Variants in EEA1 observed in about 807,000 individuals in gnomAD.
EEA1 encodes early endosome antigen 1, 162kD.
Under a neutral mutation model 209.2 loss-of-function variants are expected in EEA1, and 111 were observed. The observed-to-expected ratio is 0.53, with a 90% CI of 0.45 to 0.62. The LOEUF is 0.62. Ranked by LOEUF, EEA1 falls within the 20% of genes least tolerant of loss-of-function variation. The pLI is 0.00. For missense variants in EEA1, 1,343 were observed against 1,530.8 expected (o/e 0.88, Z 2.05); for synonymous variants, 536 against 540.6 (o/e 0.99, Z 0.12).
chr12:92,871,877 C>T (rs1370822890), intron 2 of EEA1, among the ~76,000 whole-genome samples: 1 of 151,996 alleles, frequency 6.6e-6, no homozygotes, highest in African/African-American at 2.4e-5. Flanking sequence ...GGCAAGTTAG[C>T]TTTTATTTTA....
chr12:92,773,977 C>T lies in EEA1; in HGVS notation c.*2034G>A, dbSNP rs1873541095. The T allele has an allele frequency of 6.8e-6, 1 of 147,786 alleles. No individual in the cohort carries two copies. Among genetic ancestry groups the T allele is most frequent in the Non-Finnish European group, 1.5e-5 (1 of 66,870 alleles). The allele number at this position is 147,786 out of a possible 1,614,324, so 9.2% of individuals were successfully genotyped here. On this transcript the variant is annotated 3_prime_UTR_variant, in exon 29 of 29. Transcript: ENST00000322349. ...GGGTAAAGGGGAGACAGACAGAAGG[C>T]CTGGAGTGGTGTTCAATTAGGAGAC...
intron 1 of EEA1, among the ~76,000 whole-genome samples, chr12:92,926,085 C>A (rs1042179225): frequency 1.3e-5 from 2 of 151,738 alleles, no homozygotes; most frequent in Non-Finnish European, 2.9e-5. Flanking sequence ...TCTCCACCTC[C>A]CGGGTTCAAG....
chr12:92,883,627 A>T, intron 2 of EEA1: 1 of 540,720 alleles, frequency 1.8e-6, no homozygotes. Flanking sequence ...TTTTCTGCAT[A>T]AGCCACATGA....
intron 2 of EEA1, among the ~76,000 whole-genome samples, chr12:92,875,713 G>A (rs1370202707): frequency 1.3e-5 from 2 of 152,152 alleles, no homozygotes; most frequent in Admixed American, 1.3e-4. Context: ...GACAGTAACA[G>A]TTAAAAACTA....
At chr12:92,926,268 C>T (rs2136794008) in intron 1 of EEA1, among the ~76,000 whole-genome samples, 1 of 151,886 alleles carries the variant, frequency 6.6e-6, no homozygotes, top group South Asian at 2.1e-4. Context: ...GCTGGGATTA[C>T]AGGAATGAGC....
At chr12:92,798,815 A>G in intron 21 of EEA1, 77 bp downstream of exon 21, 1 of 1,103,344 alleles carries the variant, frequency 9.1e-7, no homozygotes, top group Non-Finnish European at 1.2e-6. Flanking sequence ...CAACTTATCC[A>G]TCTGTATTAA....
intron 2 of EEA1, among the ~76,000 whole-genome samples, chr12:92,885,742 G>T (rs1879352786): frequency 6.6e-6 from 1 of 152,198 alleles, no homozygotes; most frequent in Non-Finnish European, 1.5e-5. Context: ...AAAAGCAAGA[G>T]AAAGAAGTGG....
chr12:92,852,849 G>T, intron 7 of EEA1, 63 bp downstream of exon 7: 1 of 1,095,384 alleles, frequency 9.1e-7, no homozygotes, highest in Non-Finnish European at 1.4e-6. Context: ...TATTGCTAGG[G>T]TATATAATGG....
chr12:92,909,606 T>C (rs1287589609), intron 1 of EEA1, among the ~76,000 whole-genome samples: 2 of 152,222 alleles, frequency 1.3e-5, no homozygotes, highest in African/African-American at 2.4e-5. Context: ...GCAAATGTAA[T>C]GGTATTGAGA....
chr12:92,825,758 T>C (rs1029614295), intron 13 of EEA1, among the ~76,000 whole-genome samples: 7 of 151,568 alleles, frequency 4.6e-5, no homozygotes, highest in African/African-American at 1.7e-4. Flanking sequence ...TGAACATTTT[T>C]CATTTTCCAA....
chr12:92,819,220 G>C (rs1875933332), intron 14 of EEA1, 88 bp downstream of exon 14: 1 of 1,189,840 alleles, frequency 8.4e-7, no homozygotes, highest in South Asian at 1.8e-5. Flanking sequence ...AAAAGAGCAA[G>C]AATGAAGAAT....
Position 92,779,155 on chromosome 12 carries a change from T to A in EEA1, c.3614A>T (p.Glu1205Val). 1 of 1,608,584 alleles carries A rather than the reference T, an allele frequency of 6.2e-7. No individual in the cohort carries two copies. Among genetic ancestry groups the A allele is most frequent in the Non-Finnish European group, 8.5e-7 (1 of 1,178,708 alleles). Residue 1205 changes from glutamate to valine, a missense_variant, in exon 25 of 29, where the codon GAG (glutamate) becomes GTG (valine). Physicochemically the swap from Glu to Val is moderately radical, Grantham distance 121 (BLOSUM62 -2). This residue lies in a region of EEA1 where 1,307 missense variants were observed against 1,465.5 expected (regional missense o/e 0.89). Transcript: ENST00000322349. ...ILKDQVKKEE[E>V]ELKKEFIEKE... ...CTCAATAAATTCTTTCTTCAGCTCCTCTTCTTCCTTTTTCACCTGGTCTTT... is the reference window on the plus strand; with the variant it reads ...CTCAATAAATTCTTTCTTCAGCTCCACTTCTTCCTTTTTCACCTGGTCTTT...
intron 21 of EEA1, among the ~76,000 whole-genome samples, chr12:92,795,878 T>TA (rs1488483080): frequency 5.9e-5 from 9 of 152,342 alleles, no homozygotes; most frequent in Non-Finnish European, 8.8e-5. Context: ...CTTAACTCTT[T>TA]AATTATTGTT....
At chr12:92,883,288 A>G (rs1879236839) in intron 2 of EEA1, among the ~76,000 whole-genome samples, 1 of 152,170 alleles carries the variant, frequency 6.6e-6, no homozygotes, top group Non-Finnish European at 1.5e-5. Flanking sequence ...AGTTTCTTAC[A>G]GATTCTGGAT....
At chr12:92,859,416 T>C in intron 3 of EEA1, 2 of 608,820 alleles carry the variant, frequency 3.3e-6, no homozygotes, top group East Asian at 2.8e-5. Context: ...GTCAATGACA[T>C]GAATTTTAGC....
intron 2 of EEA1, among the ~76,000 whole-genome samples, chr12:92,887,555 G>A (rs998764487): frequency 6.6e-6 from 1 of 152,052 alleles, no homozygotes; most frequent in Non-Finnish European, 1.5e-5. Context: ...TACTGGAGAC[G>A]TCAGATTGGG....
At chr12:92,840,121 A>G (rs1565830207) in intron 10 of EEA1, among the ~76,000 whole-genome samples, 2 of 151,966 alleles carry the variant, frequency 1.3e-5, no homozygotes, top group Admixed American at 6.6e-5. Context: ...CTTATGCCCT[A>G]TTTTTTTCTT....
intron 2 of EEA1, among the ~76,000 whole-genome samples, chr12:92,879,889 C>T (rs929832746): frequency 6.6e-6 from 1 of 152,176 alleles, no homozygotes; most frequent in Non-Finnish European, 1.5e-5. Flanking sequence ...AGGCACAGTC[C>T]CTGCTTATCC....
chr12:92,904,867 G>A (rs1880306453), intron 1 of EEA1, among the ~76,000 whole-genome samples: 1 of 152,212 alleles, frequency 6.6e-6, no homozygotes, highest in African/African-American at 2.4e-5. Flanking sequence ...TCGACAACCA[G>A]GAAGATCTCC....
Sources: gnomAD v4.1 joint callset for allele counts (sites outside exome capture counted in the v4.1 genomes callset) on GRCh38, gnomAD v4.1.1 for gene constraint, gnomAD v4.1.1 regional missense constraint, MANE v1.5 for transcripts, NCBI Gene and HGNC (gene_info 2026-07-23, HGNC 2026-07-21) for gene names.